The following TDRD1 variants were observed in gnomAD, a reference collection of about 807,000 sequenced individuals.
TDRD1 encodes the protein tudor domain containing 1.
A neutral mutation model predicts 140.6 loss-of-function variants in TDRD1; 37 were observed. That is an observed-to-expected ratio of 0.26 (90% CI 0.20 to 0.35). TDRD1 has a LOEUF of 0.35. Among genes scored for constraint, TDRD1 ranks in the 10% least tolerant of loss-of-function variants. TDRD1 has a pLI of 1.00. For synonymous variants in TDRD1, 506 were observed against 475.7 expected (o/e 1.06, Z -0.83); for missense variants, 1,243 against 1,393.0 (o/e 0.89, Z 1.71).
Position 114,220,583 on chromosome 10 carries a change from A to G in TDRD1, c.2510A>G (p.Asn837Ser), listed in dbSNP as rs763164096. The stretch of plus-strand genomic sequence containing the variant: ...TATTTTCTAGATATACAGTCTAGAA[A>G]CAAACATTGGTCTGAAGAAGCCATA... The change falls in exon 19 of 26, where the codon AAC (asparagine) becomes AGC (serine). Residue 837 changes from asparagine to serine, a missense_variant. Asn to Ser is a conservative substitution (Grantham distance 46). Around this residue, in one of 5 missense-constraint regions of TDRD1, gnomAD observed 601 missense variants for 734.7 expected, o/e 0.82. Transcript: ENST00000251864. The G allele has an allele frequency of 5.0e-6, 8 of 1,612,836 alleles. No individual in the cohort carries two copies. Among genetic ancestry groups the G allele is most frequent in the Non-Finnish European group, 6.8e-6 (8 of 1,178,956 alleles).
chr10:114,227,863 C>A, intron 23 of TDRD1, 47 bp from the exon 24 acceptor site: 1 of 1,527,762 alleles, frequency 6.5e-7, no homozygotes, highest in Admixed American at 1.7e-5. Context: ...AGTTTTTCTT[C>A]TTTACATTAT....
exon 26 of TDRD1, chr10:114,231,605 T>C (rs2036762426): frequency 8.9e-7 from 1 of 1,124,250 alleles, no homozygotes; most frequent in African/African-American, 1.6e-5. Context: ...GTCCACTTTC[T>C]CTGTAATGAC....
At chr10:114,206,611 GT>G (rs33936742) in intron 11 of TDRD1, among the ~76,000 whole-genome samples, 35,931 of 105,648 alleles carry the variant, frequency 0.34, 3,611 homozygotes, top group African/African-American at 0.43. Flanking sequence ...GTTAGGGTTT[GT>G]TTTTTTTTTT....
chr10:114,201,285 C>G, intron 4 of TDRD1, 125 bp from the exon 5 acceptor site: 1 of 717,768 alleles, frequency 1.4e-6, no homozygotes, highest in Non-Finnish European at 2.4e-6. Flanking sequence ...AAAGTATAAT[C>G]TGAACACCTG....
chr10:114,191,061 T>C, intron 3 of TDRD1, 42 bp downstream of exon 3: 2 of 1,567,060 alleles, frequency 1.3e-6, no homozygotes, highest in Non-Finnish European at 1.7e-6. Context: ...GGGTAAAAGA[T>C]TCTAAACATG....
intron 11 of TDRD1, 86 bp from the exon 12 acceptor site, chr10:114,210,495 G>C: frequency 7.4e-7 from 1 of 1,350,736 alleles, no homozygotes; most frequent in Non-Finnish European, 9.9e-7. Flanking sequence ...AGTCATATTC[G>C]TTTTAAAATG....
At chr10:114,215,615 AT>A (rs2035770579) in intron 16 of TDRD1, among the ~76,000 whole-genome samples, 2 of 152,174 alleles carry the variant, frequency 1.3e-5, no homozygotes, top group South Asian at 4.1e-4. Context: ...AAATAAGGAC[AT>A]TAAAGTAGAT....
chr10:114,222,592 C>A (rs1042486075), exon 21 of TDRD1: 1 of 1,599,514 alleles, frequency 6.3e-7, no homozygotes, highest in Admixed American at 1.7e-5. Context: ...TTTAGAAAAT[C>A]AGGAAAAGCT....
chr10:114,231,870 G>GC (rs1400619083), exon 26 of TDRD1: 1 of 213,758 alleles, frequency 4.7e-6, no homozygotes, highest in African/African-American at 2.3e-5. Context: ...ATCCCTTGAG[G>GC]CCAGGAGTTC....
At chr10:114,187,851 T>G in exon 2 of TDRD1, 1 of 1,594,870 alleles carries the variant, frequency 6.3e-7, no homozygotes, top group Non-Finnish European at 8.5e-7. Flanking sequence ...AAATCGCCAT[T>G]TAATGTGATG....
intron 19 of TDRD1, 117 bp downstream of exon 19, chr10:114,220,960 G>A: frequency 1.5e-6 from 1 of 650,792 alleles, no homozygotes; most frequent in Admixed American, 2.9e-5. Context: ...TACGGACATA[G>A]ATTAGTAGGT....
At chr10:114,184,765 T>G (rs1341412272) in intron 1 of TDRD1, among the ~76,000 whole-genome samples, 1 of 152,246 alleles carries the variant, frequency 6.6e-6, no homozygotes, top group Non-Finnish European at 1.5e-5. Flanking sequence ...TGGTTATGTT[T>G]GCTATCATTT....
At chr10:114,228,998 G>A (rs753862110) in intron 25 of TDRD1, among the ~76,000 whole-genome samples, 7 of 152,078 alleles carry the variant, frequency 4.6e-5, no homozygotes, top group African/African-American at 7.2e-5. Context: ...CAGGAGAATC[G>A]CTTGAATCCA....
At chr10:114,201,824 C>T (rs2034764766) in intron 5 of TDRD1, among the ~76,000 whole-genome samples, 2 of 152,140 alleles carry the variant, frequency 1.3e-5, no homozygotes, top group African/African-American at 2.4e-5. Context: ...TCTTACATGC[C>T]TCTTGAGTTG....
chr10:114,218,028 C>T (rs1267595935), intron 17 of TDRD1, among the ~76,000 whole-genome samples: 1 of 152,110 alleles, frequency 6.6e-6, no homozygotes, highest in African/African-American at 2.4e-5. Context: ...TTACTATTTA[C>T]TACTTAAATT....
chr10:114,182,042 A>G (rs1372192993), intron 1 of TDRD1, among the ~76,000 whole-genome samples: 1 of 152,172 alleles, frequency 6.6e-6, no homozygotes, highest in Non-Finnish European at 1.5e-5. Flanking sequence ...CTGGATTCAC[A>G]GTAGTACTGG....
chr10:114,184,152 A>C (rs2033328008), intron 1 of TDRD1, among the ~76,000 whole-genome samples: 1 of 151,004 alleles, frequency 6.6e-6, no homozygotes, highest in Admixed American at 6.6e-5. Flanking sequence ...CAGAAAATGC[A>C]TACTTATTTC....
At chr10:114,211,229 GC>G (rs1316609692) in intron 13 of TDRD1, among the ~76,000 whole-genome samples, 1 of 152,152 alleles carries the variant, frequency 6.6e-6, no homozygotes, top group African/African-American at 2.4e-5. Context: ...TATTTTGTCA[GC>G]CTTTTGGTTT....
chr10:114,191,939 T>C (rs2033993377), intron 3 of TDRD1, among the ~76,000 whole-genome samples: 1 of 152,230 alleles, frequency 6.6e-6, no homozygotes, highest in Non-Finnish European at 1.5e-5. Context: ...ACTATCTCAT[T>C]GTGGTTTAAC....
Sources: gnomAD v4.1 joint callset for allele counts (sites outside exome capture counted in the v4.1 genomes callset) on GRCh38, gnomAD v4.1.1 for gene constraint, gnomAD v4.1.1 regional missense constraint, MANE v1.5 for transcripts, NCBI Gene and HGNC (gene_info 2026-07-23, HGNC 2026-07-21) for gene names.